The following GAB2 variants were observed in gnomAD, a reference collection of about 807,000 sequenced individuals.
The protein encoded by GAB2 is GRB2-associated-binding protein 2.
Under a neutral mutation model 65.5 loss-of-function variants are expected in GAB2, and 26 were observed. The ratio of observed to expected loss-of-function variants is 0.40; its 90% CI spans 0.29 to 0.55. The LOEUF (loss-of-function observed/expected upper bound fraction) is 0.55, where lower values mean the gene tolerates loss of function less well. Among genes scored for constraint, GAB2 ranks in the 20% least tolerant of loss-of-function variants. The pLI is 0.53. For synonymous variants in GAB2, 321 were observed against 329.6 expected, an observed-to-expected ratio of 0.97 and a Z score of 0.28; for missense variants, 884 against 875.8, an observed-to-expected ratio of 1.01 and a Z score of -0.12.
At chr11:78,310,878 A>C (rs1163250898) in intron 1 of GAB2, among the ~76,000 whole-genome samples, 1 of 152,166 alleles carries the variant, frequency 6.6e-6, no homozygotes, top group Non-Finnish European at 1.5e-5. Flanking sequence ...TTCATTCTAA[A>C]AAAATAAGAA....
chr11:78,335,328 T>C (rs1855979692), intron 1 of GAB2, among the ~76,000 whole-genome samples: 1 of 152,236 alleles, frequency 6.6e-6, no homozygotes, highest in African/African-American at 2.4e-5. Context: ...ACCAATGTCC[T>C]GGAGATTTTC....
chr11:78,381,436 C>T (rs913068869), intron 1 of GAB2, among the ~76,000 whole-genome samples: 21 of 152,192 alleles, frequency 1.4e-4, no homozygotes, highest in Non-Finnish European at 5.9e-5. Flanking sequence ...TAGCCAAGGG[C>T]ACACAGCTTA....
At chr11:78,300,281 T>C (rs1866958850) in intron 1 of GAB2, among the ~76,000 whole-genome samples, 1 of 141,774 alleles carries the variant, frequency 7.1e-6, no homozygotes, top group Non-Finnish European at 1.5e-5. Flanking sequence ...TATTGCTGCA[T>C]GTATCAGTAG....
intron 2 of GAB2, among the ~76,000 whole-genome samples, chr11:78,270,881 T>A (rs971154592): frequency 2.6e-5 from 4 of 152,220 alleles, no homozygotes; most frequent in East Asian, 1.9e-4. Flanking sequence ...ATTTTACAGA[T>A]GATAAAACCT....
At chr11:78,272,350 AG>A (rs1866037887) in intron 2 of GAB2, among the ~76,000 whole-genome samples, 3 of 152,332 alleles carry the variant, frequency 2.0e-5, no homozygotes, top group African/African-American at 7.2e-5. Flanking sequence ...AAGTGATAAT[AG>A]CGACATGGAC....
intron 1 of GAB2, among the ~76,000 whole-genome samples, chr11:78,411,734 A>G (rs1351933347): frequency 1.3e-5 from 2 of 151,056 alleles, no homozygotes; most frequent in East Asian, 1.9e-4. Flanking sequence ...AATGTGTAGA[A>G]AAAAAAAAAC....
chr11:78,405,091 A>ATTTTTTT (rs1174366754), intron 1 of GAB2, among the ~76,000 whole-genome samples: 7 of 93,276 alleles, frequency 7.5e-5, no homozygotes, highest in Admixed American at 2.6e-4. Flanking sequence ...AAAAACATGG[A>ATTTTTTT]TTTTTTTTTT....
intron 3 of GAB2, among the ~76,000 whole-genome samples, chr11:78,229,488 C>T (rs931572067): frequency 6.6e-6 from 1 of 152,168 alleles, no homozygotes; most frequent in Non-Finnish European, 1.5e-5. Flanking sequence ...ATGAACTCAT[C>T]ATCTTCCTCT....
intron 2 of GAB2, among the ~76,000 whole-genome samples, chr11:78,270,406 G>A (rs1467324059): frequency 6.6e-6 from 1 of 151,912 alleles, no homozygotes; most frequent in African/African-American, 2.4e-5. Flanking sequence ...CCTTCTTGCT[G>A]TCCGTTTTGT....
In GAB2 at chr11:78,386,464, T is replaced by G. The variant is rs187527240; in HGVS notation, c.75+31182A>C. On this transcript the variant is annotated intron_variant, in intron 1 of 9. Coordinates refer to ENST00000361507, the MANE Select transcript of GAB2 (RefSeq NM_080491.3). The stretch of plus-strand genomic sequence containing the variant: ...GTCTTGGCCCTCATCCAGGTATCTG[T>G]TTCTTTGTAGAAAGTACACATAAGT... 3.0e-3 allele frequency among the ~76,000 whole-genome samples: 458 copies of G among 152,360 alleles called. 2 individuals carry two copies. Among genetic ancestry groups the G allele is most frequent in the Non-Finnish European group, 4.4e-3 (301 of 68,036 alleles).
chr11:78,407,904 G>A (rs940924848), intron 1 of GAB2, among the ~76,000 whole-genome samples: 1 of 152,058 alleles, frequency 6.6e-6, no homozygotes, highest in African/African-American at 2.4e-5. Flanking sequence ...TATTTTACAG[G>A]TGCTCAAAGA....
At chr11:78,260,918 T>C (rs1865711036) in intron 2 of GAB2, among the ~76,000 whole-genome samples, 1 of 152,194 alleles carries the variant, frequency 6.6e-6, no homozygotes, top group Non-Finnish European at 1.5e-5. Flanking sequence ...TAGCACAATG[T>C]TCTATGCCTA....
At position 78,404,225 on chromosome 11, in the gene GAB2, A is replaced by C. The variant is rs186639144; in HGVS notation, c.75+13421T>G. Among the ~76,000 whole-genome samples, 104 of 152,352 alleles carry C rather than the reference A, an allele frequency of 6.8e-4. 2 individuals carry two copies. The highest frequency in any genetic ancestry group is 6.8e-3 in the Admixed American group (104 of 15,302). On this transcript the variant is annotated intron_variant, in intron 1 of 9. Transcript: ENST00000361507. ...CCATCAATCGATGAATGCATTTAAAAAATGTGGTACATATACACAATGGAA... is the reference window on the plus strand; with the variant it reads ...CCATCAATCGATGAATGCATTTAAACAATGTGGTACATATACACAATGGAA...
intron 1 of GAB2, among the ~76,000 whole-genome samples, chr11:78,363,826 C>T (rs1225918125): frequency 4.6e-5 from 7 of 152,050 alleles, no homozygotes; most frequent in African/African-American, 1.7e-4. Context: ...GCACAAAATC[C>T]ACCCACCTCA....
chr11:78,398,074 G>T (rs1311580594), intron 1 of GAB2, among the ~76,000 whole-genome samples: 1 of 145,094 alleles, frequency 6.9e-6, no homozygotes, highest in East Asian at 2.0e-4. Context: ...TTTCCTCTAG[G>T]AAATTATATG....
At chr11:78,348,006 G>T (rs574687850) in intron 1 of GAB2, among the ~76,000 whole-genome samples, 27 of 152,210 alleles carry the variant, frequency 1.8e-4, no homozygotes, top group African/African-American at 5.5e-4. Context: ...TTACAGTAAA[G>T]ATAGAGAAAA....
intron 1 of GAB2, among the ~76,000 whole-genome samples, chr11:78,327,933 T>C (rs1446557779): frequency 6.6e-6 from 1 of 152,198 alleles, no homozygotes; most frequent in Non-Finnish European, 1.5e-5. Context: ...ACAGCATAAA[T>C]ATTGTCATTA....
intron 3 of GAB2, among the ~76,000 whole-genome samples, chr11:78,241,541 AAC>A (rs952704968): frequency 2.0e-5 from 3 of 152,198 alleles, no homozygotes; most frequent in Non-Finnish European, 4.4e-5. Context: ...GGTACAAGAA[AAC>A]ACACACAATT....
At position 78,250,232 on chromosome 11, in the gene GAB2, G is replaced by A. The variant is rs1590966085; in HGVS notation, c.545C>T (p.Pro182Leu). ...CTGAGGTGCGCTGGTGGACAAGGTG[G>A]GCTGCATGTGGTTTGACACAGGGGG... ...FEPPVSNHMQPTLSTSAPQEY... is the reference protein window; with the variant it reads ...FEPPVSNHMQLTLSTSAPQEY... Residue 182 changes from proline to leucine, a missense_variant, in exon 3 of 10, where the codon CCC becomes CTC. Pro to Leu is a moderately conservative substitution (Grantham distance 98, BLOSUM62 -3). Coordinates refer to ENST00000361507, the MANE Select transcript of GAB2 (RefSeq NM_080491.3). 6.2e-7 allele frequency: 1 copy of A among 1,613,418 alleles called. No homozygotes were observed.
Sources: allele counts gnomAD v4.1 joint callset (sites outside exome capture counted in the v4.1 genomes callset), GRCh38; gene constraint gnomAD v4.1.1; transcripts MANE v1.5; gene names NCBI Gene and HGNC (gene_info 2026-07-23, HGNC 2026-07-21).